Variants in IPO5 observed in about 807,000 individuals in gnomAD.
IPO5 encodes importin-5.
IPO5 carries 18 observed loss-of-function variants against 143.3 expected under a neutral mutation model. The ratio of observed to expected loss-of-function variants is 0.13; its 90% CI spans 0.09 to 0.19. The LOEUF is 0.19. Ranked by LOEUF, IPO5 falls within the 10% of genes least tolerant of loss-of-function variation. IPO5 has a pLI of 1.00. For missense variants in IPO5, 1,013 were observed against 1,336.9 expected (o/e 0.76, Z 3.78); for synonymous variants, 477 against 465.7 (o/e 1.02, Z -0.31).
At chr13:97,979,135 A>G (rs996737016) in intron 4 of IPO5, among the ~76,000 whole-genome samples, 3 of 152,204 alleles carry the variant, frequency 2.0e-5, no homozygotes, top group African/African-American at 7.2e-5. Flanking sequence ...TAAGAGATCA[A>G]ATGAAATAAA....
intron 9 of IPO5, 111 bp downstream of exon 9, chr13:97,990,648 T>G: frequency 1.7e-6 from 1 of 600,588 alleles, no homozygotes; most frequent in Non-Finnish European, 2.8e-6. Flanking sequence ...GCGCTAGGCA[T>G]ACAGCAGTGA....
intron 13 of IPO5, chr13:98,001,674 C>G (rs1888792715): frequency 6.6e-6 from 1 of 152,286 alleles, no homozygotes; most frequent in African/African-American, 2.4e-5. Context: ...GATGGAGTTT[C>G]TCCATGTTGG....
chr13:98,004,469 G>A (rs1323663363), intron 16 of IPO5, among the ~76,000 whole-genome samples: 4 of 152,196 alleles, frequency 2.6e-5, no homozygotes, highest in Non-Finnish European at 5.9e-5. Context: ...AGTAATGGAT[G>A]GATCCAACAT....
At chr13:97,984,147 T>G (rs991953345) in intron 5 of IPO5, among the ~76,000 whole-genome samples, 3 of 149,696 alleles carry the variant, frequency 2.0e-5, no homozygotes, top group Admixed American at 6.7e-5. Flanking sequence ...CCCGGCTAAT[T>G]TTTTGTATTT....
chr13:98,021,793 G>A lies in IPO5; in HGVS notation c.3265G>A (p.Ala1089Thr), dbSNP rs1180569360. 7.5e-6 allele frequency: 12 copies of A among 1,605,522 alleles called. No individual in the cohort carries two copies. Among genetic ancestry groups the A allele is most frequent in the South Asian group, 1.1e-5 (1 of 90,250 alleles). The change falls in exon 29 of 29, where the codon GCC becomes ACC. Residue 1089 changes from alanine to threonine, a missense_variant. Physicochemically the swap from Ala to Thr is moderately conservative, Grantham distance 58 (BLOSUM62 0). Coordinates refer to ENST00000651721, the MANE Select transcript of IPO5 (RefSeq NM_002271.6). ...IAQLSPEQQAAIQELLNSA is the reference protein window; with the variant it reads ...IAQLSPEQQATIQELLNSA ...ACAGCTCAGTCCTGAGCAGCAGGCC[G>A]CCATTCAGGAGCTCCTGAACTCTGC...
intron 2 of IPO5, among the ~76,000 whole-genome samples, chr13:97,958,168 C>T (rs1040052816): frequency 6.6e-6 from 1 of 152,172 alleles, no homozygotes; most frequent in Admixed American, 6.6e-5. Flanking sequence ...TCTCTTCTCT[C>T]TTCCCAACCT....
intron 12 of IPO5, among the ~76,000 whole-genome samples, chr13:97,999,250 G>T (rs1888556512): frequency 6.6e-6 from 1 of 152,174 alleles, no homozygotes; most frequent in Non-Finnish European, 1.5e-5. Context: ...GAATATATAT[G>T]CATTTTTGAG....
chr13:97,960,728 T>C (rs1884803153), intron 2 of IPO5, among the ~76,000 whole-genome samples: 1 of 152,012 alleles, frequency 6.6e-6, no homozygotes, highest in Non-Finnish European at 1.5e-5. Context: ...CCAGCTAACT[T>C]TTGTACTTTC....
chr13:98,001,233 C>A (rs1030523646), intron 13 of IPO5, among the ~76,000 whole-genome samples: 14 of 152,158 alleles, frequency 9.2e-5, no homozygotes, highest in African/African-American at 3.4e-4. Context: ...ATATATATAT[C>A]AATCCCAAAG....
At chr13:97,969,173 ATATTTTTTTTTT>A (rs1284738610) in intron 2 of IPO5, among the ~76,000 whole-genome samples, 3 of 70,142 alleles carry the variant, frequency 4.3e-5, no homozygotes, top group African/African-American at 2.0e-4. Flanking sequence ...ATATATATAT[ATATTTTTTTTTT>A]TTTTTTTTTT....
intron 2 of IPO5, among the ~76,000 whole-genome samples, chr13:97,963,935 C>T (rs1885097689): frequency 6.6e-6 from 1 of 152,132 alleles, no homozygotes; most frequent in South Asian, 2.1e-4. Context: ...ATTTGCATTT[C>T]TCTAATGACC....
intron 11 of IPO5, among the ~76,000 whole-genome samples, chr13:97,995,671 G>A (rs1888219123): frequency 6.6e-6 from 1 of 152,128 alleles, no homozygotes; most frequent in Admixed American, 6.5e-5. Context: ...CAGGAGAATG[G>A]CGTGACCCGG....
chr13:97,969,417 C>T (rs1054391310), intron 2 of IPO5, among the ~76,000 whole-genome samples: 6 of 150,794 alleles, frequency 4.0e-5, no homozygotes, highest in South Asian at 2.1e-4. Context: ...CTCCTGACCT[C>T]GTGATCCGCC....
chr13:98,013,985 C>T, intron 21 of IPO5, 57 bp from the exon 22 acceptor site: 17 of 1,499,510 alleles, frequency 1.1e-5, no homozygotes, highest in Non-Finnish European at 1.5e-5. Context: ...TGCATTGAAC[C>T]CTTTAACATT....
At chr13:97,997,478 T>C in intron 11 of IPO5, 53 bp from the exon 12 acceptor site, 1 of 933,732 alleles carries the variant, frequency 1.1e-6, no homozygotes, top group Non-Finnish European at 1.7e-6. Flanking sequence ...TAAATAGTGA[T>C]ATGGATAAGA....
intron 11 of IPO5, among the ~76,000 whole-genome samples, chr13:97,994,458 A>G (rs1888066812): frequency 6.6e-6 from 1 of 152,226 alleles, no homozygotes; most frequent in South Asian, 2.1e-4. Context: ...TAAGTGTTCC[A>G]TTATTCATAA....
chr13:98,015,717 G>A lies in IPO5; in HGVS notation c.2438-9G>A. On this transcript the variant is annotated splice_polypyrimidine_tract_variant and intron_variant, in intron 23 of 28. Coordinates refer to ENST00000651721, the MANE Select transcript of IPO5 (RefSeq NM_002271.6). ...AATCATTTAAAACATTTATTTGGGT[G>A]TGTTTTAGTTAAAAGACAAGATGAA... is the stretch of plus-strand genomic sequence containing the variant. The A allele has an allele frequency of 1.2e-6, 2 of 1,606,116 alleles. No individual in the cohort carries two copies. The highest frequency in any genetic ancestry group is 8.5e-7 in the Non-Finnish European group (1 of 1,173,936).
At chr13:97,976,298 C>T (rs1273662039) in intron 3 of IPO5, among the ~76,000 whole-genome samples, 2 of 151,646 alleles carry the variant, frequency 1.3e-5, no homozygotes, top group East Asian at 3.9e-4. Context: ...ACCTCAACCC[C>T]GACCCCGACC....
intron 24 of IPO5, 145 bp from the exon 25 acceptor site, chr13:98,016,584 C>A (rs548463104): frequency 2.3e-6 from 1 of 441,054 alleles, no homozygotes; most frequent in African/African-American, 2.1e-5. Context: ...AGGGTTACTC[C>A]GGTCTCTAGA....
Sources: allele counts gnomAD v4.1 joint callset (sites outside exome capture counted in the v4.1 genomes callset), GRCh38; gene constraint gnomAD v4.1.1; transcripts MANE v1.5; gene names NCBI Gene and HGNC (gene_info 2026-07-23, HGNC 2026-07-21).